The following APOC3 variants were observed in gnomAD, a reference collection of about 807,000 sequenced individuals.
The protein encoded by APOC3 is apolipoprotein C-III.
A neutral mutation model predicts 7.3 loss-of-function variants in APOC3; 6 were observed. The observed-to-expected ratio is 0.82, with a 90% CI of 0.45 to 1.61. The LOEUF (loss-of-function observed/expected upper bound fraction) is 1.61, where lower values mean the gene tolerates loss of function less well. Among genes scored for constraint, APOC3 ranks in the 40% most tolerant of loss-of-function variants. The pLI is 0.01. For synonymous variants in APOC3, 45 were observed against 51.2 expected, an observed-to-expected ratio of 0.88 and a Z score of 0.52; for missense variants, 123 against 124.9, an observed-to-expected ratio of 0.98 and a Z score of 0.07.
intron 3 of APOC3, chr11:116,831,192 TCTTTCTTTCTTTCTTTCTTTCTTTC>T (rs1195860289): frequency 5.3e-5 from 1 of 18,786 alleles, no homozygotes; most frequent in Admixed American, 5.2e-4. Context: ...TCTTTCTATT[TCTTTCTTTCTTTCTTTCTTTCTTTC>T]TTTCTTTCTT....
rs1244321718 is a variant in APOC3 at position 116,829,925 on chromosome 11, G to C, written c.-29G>C. The C allele has an allele frequency of 6.3e-6, 1 of 159,584 alleles. No homozygotes were observed. Among genetic ancestry groups the C allele is most frequent in the Admixed American group, 5.9e-5 (1 of 16,966 alleles). 9.9% of individuals were successfully genotyped at this position (159,584 alleles called of 1,614,324 possible). A position where few individuals can be genotyped will look rare whatever the true frequency, so the allele number is the denominator to read the frequency against. On this transcript the variant is annotated 5_prime_UTR_variant, in exon 1 of 4. Transcript: ENST00000227667. ...TGCCTGTCTGCTCAGTTCATCCCTA[G>C]AGGCAGCTGCTCCAGGTAATGCCCT...
At position 116,830,818 on chromosome 11, in the gene APOC3, G is replaced by A. The variant is rs768184827; in HGVS notation, c.101G>A (p.Gly34Asp). ...GCCTCCCTTCTCAGCTTCATGCAGG[G>A]TTACATGAAGCACGCCACCAAGACC... ...EDASLLSFMQGYMKHATKTAK... is the reference protein window; with the variant it reads ...EDASLLSFMQDYMKHATKTAK... The change falls in exon 3 of 4, where the codon GGT (glycine) becomes GAT (aspartate). Residue 34 changes from glycine (G) to aspartate (D), a missense_variant. By Grantham distance (94) the Gly-to-Asp change is moderately conservative. Transcript: ENST00000227667. 1.2e-6 allele frequency: 2 copies of A among 1,613,036 alleles called. No homozygotes were observed. The highest frequency in any genetic ancestry group is 3.3e-5 in the Admixed American group (2 of 59,976).
At chr11:116,831,233 CTTTCTTT>C (rs1565336482) in intron 3 of APOC3, 6 of 180,374 alleles carry the variant, frequency 3.3e-5, no homozygotes, top group Non-Finnish European at 5.0e-5. Flanking sequence ...TTCTTTCTTT[CTTTCTTT>C]CTTTCTTTCT....
At chr11:116,831,169 T>G in intron 3 of APOC3, 5 of 322,900 alleles carry the variant, frequency 1.5e-5, no homozygotes, top group Non-Finnish European at 1.7e-5. Flanking sequence ...TTCCTTTCCT[T>G]TCCCTTTCTT....
In APOC3 at chr11:116,830,865, G is replaced by T. The variant is rs201803883; in HGVS notation, c.148G>T (p.Val50Leu). The T allele has an allele frequency of 9.9e-6, 16 of 1,612,986 alleles. No individual in the cohort carries two copies. The highest frequency in any genetic ancestry group is 1.3e-5 in the Non-Finnish European group (15 of 1,179,958). ...GACCGCCAAGGATGCACTGAGCAGC[G>T]TGCAGGAGTCCCAGGTGGCCCAGCA... ...TKTAKDALSS[V>L]QESQVAQQAR... Residue 50 changes from valine to leucine, a missense_variant, in exon 3 of 4, where the codon GTG (valine) becomes TTG (leucine). By Grantham distance (32) the Val-to-Leu change is conservative. Transcript: ENST00000227667.
chr11:116,831,225 CTTTCTTTCT>C (rs1243764806), intron 3 of APOC3: 1 of 188,202 alleles, frequency 5.3e-6, no homozygotes, highest in Non-Finnish European at 9.4e-6. Context: ...TTCTTTCTTT[CTTTCTTTCT>C]TTCTTTCTTT....
chr11:116,830,417 C>T (rs1941432469), intron 1 of APOC3, 153 bp from the exon 2 acceptor site: 1 of 770,172 alleles, frequency 1.3e-6, no homozygotes, highest in Non-Finnish European at 2.2e-6. Context: ...CTCACCAGTC[C>T]CCCTTCTGAG....
Position 116,832,800 on chromosome 11 carries a change from C to T in APOC3, c.216C>T (p.Asp72=). ...CCGATGGCTTCAGTTCCCTGAAAGA[C>T]TACTGGAGCACCGTTAAGGACAAGT... ...WVTDGFSSLK[D]YWSTVKDKFS... is the part of the protein sequence containing the mutation. The change falls in exon 4 of 4, where the codon GAC becomes GAT. Residue 72 remains aspartate, a synonymous_variant. Coordinates refer to ENST00000227667, the MANE Select transcript of APOC3 (RefSeq NM_000040.3). The T allele has an allele frequency of 1.9e-6, 3 of 1,614,164 alleles. No homozygotes were observed. The highest frequency in any genetic ancestry group is 2.2e-5 in the South Asian group (2 of 91,084).
intron 3 of APOC3, 71 bp from the exon 4 acceptor site, chr11:116,832,693 G>T (rs1941475083): frequency 6.2e-7 from 1 of 1,610,616 alleles, no homozygotes; most frequent in African/African-American, 1.3e-5. Flanking sequence ...TGGGGACATG[G>T]GTGTGGGTCC....
chr11:116,831,150 A>G (rs1209373433), intron 3 of APOC3: 3 of 429,188 alleles, frequency 7.0e-6, no homozygotes, highest in African/African-American at 6.3e-5. Context: ...TTTAGCCCTC[A>G]TTTCCATTTT....
At position 116,831,218 on chromosome 11, in the gene APOC3, TTTC is replaced by T. The variant is rs1328945555; in HGVS notation, c.179+325_179+327del. 22 of 181,118 alleles carry T rather than the reference TTTC, an allele frequency of 1.2e-4. 1 individual carries two copies. The highest frequency in any genetic ancestry group is 8.0e-4 in the African/African-American group (20 of 24,846). The allele number at this position is 181,118 out of a possible 1,614,324, so 11.2% of individuals were successfully genotyped here. A position where few individuals can be genotyped will look rare whatever the true frequency, so the allele number is the denominator to read the frequency against. On this transcript the variant is annotated intron_variant, in intron 3 of 3. Coordinates refer to ENST00000227667, the MANE Select transcript of APOC3 (RefSeq NM_000040.3). ...CTTTCTTTCTTTCTTTCTTTCTTTC[TTTC>T]TTTCTTTCTTTCTTTCTTTCTTTCT...
intron 3 of APOC3, chr11:116,831,245 CTTT>C (rs1565336521): frequency 1.1e-4 from 14 of 123,256 alleles, no homozygotes; most frequent in Admixed American, 8.7e-4. Context: ...TTCTTTCTTT[CTTT>C]CTTTCTTTCC....
chr11:116,831,236 TCTTTC>T, intron 3 of APOC3: 1 of 170,068 alleles, frequency 5.9e-6, no homozygotes, highest in East Asian at 1.3e-4. Context: ...TTTCTTTCTT[TCTTTC>T]TTTCTTTCTT....
In APOC3 at chr11:116,830,565, T is replaced by C; in HGVS notation, c.-13-5T>C. ...GGGTGCCCCTCACAGGACACTTCCTTGCAGGAACAGAGGTGCCATGCAGCC... is the reference window on the plus strand; with the variant it reads ...GGGTGCCCCTCACAGGACACTTCCTCGCAGGAACAGAGGTGCCATGCAGCC... On this transcript the variant is annotated splice_region_variant and splice_polypyrimidine_tract_variant and intron_variant, in intron 1 of 3. Transcript: ENST00000227667. The C allele has an allele frequency of 6.2e-7, 1 of 1,613,912 alleles. No homozygotes were observed. The highest frequency in any genetic ancestry group is 8.5e-7 in the Non-Finnish European group (1 of 1,179,986).
Position 116,830,373 on chromosome 11 carries a change from C to T in APOC3, c.-13-197C>T, listed in dbSNP as rs1314977758. ...GTCTGGTGGGTTTTCTGCTCCATCC[C>T]ACCCACCTCCCTTTGGGCCTCGATC... On this transcript the variant is annotated intron_variant, in intron 1 of 3. Transcript: ENST00000227667. The T allele has an allele frequency of 4.7e-6, 3 of 634,246 alleles. No individual in the cohort carries two copies. In the East Asian group the frequency reaches 8.2e-5, roughly 17 times the overall value. The allele number at this position is 634,246 out of a possible 1,614,324, so 39.3% of individuals were successfully genotyped here.
At chr11:116,830,083 C>T (rs1591326066) in intron 1 of APOC3, 143 bp downstream of exon 1, 1 of 206,780 alleles carries the variant, frequency 4.8e-6, no homozygotes, top group East Asian at 1.1e-4. Flanking sequence ...TGCCCCCCAC[C>T]CCTCATCATA....
rs760520323 is a variant in APOC3 at position 116,830,956 on chromosome 11, C to T, written c.179+60C>T. ...CCAGCTGCCTCCATTCCCACCCGCC[C>T]CTGCCCTGGTGAGATCCCAACAATG... On this transcript the variant is annotated intron_variant, in intron 3 of 3. Transcript: ENST00000227667. The T allele has an allele frequency of 1.9e-3, 2,937 of 1,584,932 alleles. 5 individuals carry two copies. Among genetic ancestry groups the T allele is most frequent in the Non-Finnish European group, 2.2e-3 (2,611 of 1,167,430 alleles).
rs1328509094 is a variant in APOC3, at chr11:116,832,666, T to G, written c.180-98T>G. 4 of 1,569,568 alleles carry G rather than the reference T, an allele frequency of 2.5e-6. No individual in the cohort carries two copies. In the Admixed American group the frequency reaches 6.7e-5, roughly 26 times the overall value. ...TGAAGTTGAGAGGGTGGTGTGGTCC[T>G]GACTGGTGTCGTCCAGTGGGGACAT... On this transcript the variant is annotated intron_variant, in intron 3 of 3. Transcript: ENST00000227667.
chr11:116,832,634 C>G, intron 3 of APOC3, 130 bp from the exon 4 acceptor site: 1 of 1,342,928 alleles, frequency 7.4e-7, no homozygotes, highest in Non-Finnish European at 1.1e-6. Flanking sequence ...TCAGGGCTGT[C>G]GTCCAGTGAA....
Sources: allele counts gnomAD v4.1 joint callset, GRCh38; gene constraint gnomAD v4.1.1; transcripts MANE v1.5; gene names NCBI Gene and HGNC (gene_info 2026-07-23, HGNC 2026-07-21).